Variants in PABPC4L observed in about 807,000 individuals in gnomAD.
The protein encoded by PABPC4L is polyadenylate-binding protein 4-like.
For synonymous variants in PABPC4L, 169 were observed against 164.1 expected (o/e 1.03, Z -0.23); for missense variants, 452 against 451.4 (o/e 1.00, Z -0.01).
At chr4:134,069,494 A>G in the PABPC4L span, among the ~76,000 whole-genome samples, 2 of 152,076 alleles carry the variant, frequency 1.3e-5, no homozygotes, top group African/African-American at 4.8e-5. Flanking sequence ...ATAATCCCAT[A>G]TTTTTGGAGA....
chr4:133,984,347 G>T, the PABPC4L span, among the ~76,000 whole-genome samples: 2 of 149,804 alleles, frequency 1.3e-5, no homozygotes, highest in South Asian at 2.1e-4. Flanking sequence ...TTAAATTGTG[G>T]TCTCATTTTT....
the PABPC4L span, among the ~76,000 whole-genome samples, chr4:134,089,735 C>G: frequency 1.3e-5 from 2 of 151,822 alleles, no homozygotes; most frequent in Non-Finnish European, 2.9e-5. Flanking sequence ...TCCCTCATAT[C>G]AGGAAGGTTG....
At chr4:134,201,389 T>G in intron 1 of PABPC4L, 144 bp from the exon 2 acceptor site, 19 of 928,376 alleles carry the variant, frequency 2.0e-5, no homozygotes, top group Non-Finnish European at 2.4e-5. Flanking sequence ...AAAATAGGCC[T>G]CGCTCAGAGT....
the PABPC4L span, among the ~76,000 whole-genome samples, chr4:134,098,128 T>C: frequency 6.6e-6 from 1 of 151,812 alleles, no homozygotes; most frequent in Admixed American, 6.6e-5. Context: ...ATAAGAGCAA[T>C]TGAAGAAAAG....
At chr4:134,180,513 A>G in the PABPC4L span, among the ~76,000 whole-genome samples, 14 of 152,034 alleles carry the variant, frequency 9.2e-5, no homozygotes, top group Non-Finnish European at 1.8e-4. Flanking sequence ...CTAGCAGAAG[A>G]CAAGAAATAA....
chr4:134,151,232 C>T, the PABPC4L span, among the ~76,000 whole-genome samples: 1 of 152,088 alleles, frequency 6.6e-6, no homozygotes, highest in African/African-American at 2.4e-5. Flanking sequence ...ATGTTAAAAA[C>T]ATGGAGCACT....
In PABPC4L at chr4:134,198,172, G is replaced by C. The variant is rs1729725459; in HGVS notation, c.*1735C>G. 1 of 151,436 alleles carries C rather than the reference G, an allele frequency of 6.6e-6. No individual in the cohort carries two copies. The highest frequency in any genetic ancestry group is 1.5e-5 in the Non-Finnish European group (1 of 67,574). 9.4% of individuals were successfully genotyped at this position (151,436 alleles called of 1,614,324 possible). On this transcript the variant is annotated 3_prime_UTR_variant, in exon 2 of 2. Coordinates refer to ENST00000421491, the MANE Select transcript of PABPC4L (RefSeq NM_001114734.2). ...ATTGTGAGCATAAAAGTTGACCATA[G>C]CATATTGTTTAAGAAAGCAATTTCA...
chr4:134,117,616 G>A, the PABPC4L span, among the ~76,000 whole-genome samples: 1 of 151,702 alleles, frequency 6.6e-6, no homozygotes, highest in Non-Finnish European at 1.5e-5. Context: ...TCATTACACA[G>A]CAATAAAGAA....
chr4:134,033,231 A>G, the PABPC4L span, among the ~76,000 whole-genome samples: 4 of 151,866 alleles, frequency 2.6e-5, no homozygotes, highest in East Asian at 7.7e-4. Context: ...AGGACCACAA[A>G]CCACACCCAT....
chr4:134,157,292 C>T, the PABPC4L span, among the ~76,000 whole-genome samples: 4 of 149,182 alleles, frequency 2.7e-5, no homozygotes, highest in African/African-American at 9.8e-5. Context: ...ATTAAGATTT[C>T]ATTTGTGGTA....
At chr4:134,017,733 C>T in the PABPC4L span, among the ~76,000 whole-genome samples, 1 of 152,056 alleles carries the variant, frequency 6.6e-6, no homozygotes, top group Non-Finnish European at 1.5e-5. Context: ...CAGGCCATCA[C>T]CAATAATTCT....
the PABPC4L span, among the ~76,000 whole-genome samples, chr4:133,999,878 GT>G: frequency 2.6e-5 from 4 of 151,950 alleles, no homozygotes; most frequent in Non-Finnish European, 2.9e-5. Context: ...AAAAAGCAAA[GT>G]TTTTAAATGG....
the PABPC4L span, among the ~76,000 whole-genome samples, chr4:133,984,611 G>C: frequency 6.6e-6 from 1 of 151,820 alleles, no homozygotes; most frequent in Non-Finnish European, 1.5e-5. Context: ...TTAAAGTACT[G>C]TTTTCAGGGC....
the PABPC4L span, among the ~76,000 whole-genome samples, chr4:134,022,901 A>G: frequency 6.6e-6 from 1 of 151,980 alleles, no homozygotes; most frequent in Non-Finnish European, 1.5e-5. Flanking sequence ...TGAATACTAT[A>G]TTTTAGTCTT....
chr4:134,004,431 T>A, the PABPC4L span, among the ~76,000 whole-genome samples: 2 of 151,748 alleles, frequency 1.3e-5, no homozygotes, highest in Admixed American at 6.6e-5. Context: ...CATATTAAAA[T>A]CACAAGGTGA....
At chr4:134,009,924 C>A in the PABPC4L span, among the ~76,000 whole-genome samples, 1 of 152,080 alleles carries the variant, frequency 6.6e-6, no homozygotes, top group Non-Finnish European at 1.5e-5. Context: ...TTAGTAGATT[C>A]TCATTGATCT....
At chr4:133,949,927 G>A in the PABPC4L span, among the ~76,000 whole-genome samples, 2 of 152,226 alleles carry the variant, frequency 1.3e-5, no homozygotes, top group Admixed American at 1.3e-4. Context: ...AACTCATAGA[G>A]GGACAATCCC....
the PABPC4L span, among the ~76,000 whole-genome samples, chr4:134,186,898 T>G: frequency 1.3e-5 from 2 of 151,908 alleles, no homozygotes; most frequent in Non-Finnish European, 2.9e-5. Flanking sequence ...GAACAGAAAC[T>G]CCTCAAAAGA....
the PABPC4L span, among the ~76,000 whole-genome samples, chr4:134,114,214 ACT>A: frequency 6.6e-6 from 1 of 151,362 alleles, no homozygotes; most frequent in African/African-American, 2.4e-5. Context: ...ACTTTCAGAG[ACT>A]CTCTTCACAT....
Sources: gnomAD v4.1 joint callset for allele counts (sites outside exome capture counted in the v4.1 genomes callset) on GRCh38, gnomAD v4.1.1 for gene constraint, MANE v1.5 for transcripts, NCBI Gene and HGNC (gene_info 2026-07-23, HGNC 2026-07-21) for gene names.